Variants in BRIP1 observed in about 807,000 individuals in gnomAD.
The protein encoded by BRIP1 is Fanconi anemia group J protein.
Under a neutral mutation model 119.7 loss-of-function variants are expected in BRIP1, and 88 were observed. The observed-to-expected ratio is 0.74, with a 90% CI of 0.62 to 0.88. BRIP1 has a LOEUF of 0.88. Ranked by LOEUF, BRIP1 falls within the 40% of genes least tolerant of loss-of-function variation. The pLI, the probability that BRIP1 is intolerant of heterozygous loss-of-function variation, is 0.00. For synonymous variants in BRIP1, 443 were observed against 496.5 expected, an observed-to-expected ratio of 0.89 and a Z score of 1.43; for missense variants, 1,259 against 1,455.4, an observed-to-expected ratio of 0.87 and a Z score of 2.20.
chr17:61,763,328 C>T (rs932528022), intron 14 of BRIP1, among the ~76,000 whole-genome samples: 3 of 151,884 alleles, frequency 2.0e-5, no homozygotes, highest in Non-Finnish European at 4.4e-5. Flanking sequence ...GTGCATGTGT[C>T]GGGTAAAGGG....
rs73991940 is a variant in BRIP1, at chr17:61,682,033, T to C, written c.*1263A>G. 2.7e-3 allele frequency: 554 copies of C among 203,242 alleles called. 4 individuals carry two copies. Among genetic ancestry groups the C allele is most frequent in the African/African-American group, 0.012 (512 of 43,872 alleles). 12.6% of individuals were successfully genotyped at this position (203,242 alleles called of 1,614,324 possible). A position where few individuals can be genotyped will look rare whatever the true frequency, so the allele number is the denominator to read the frequency against. ...TGTATTTTTGGAATGATGTCAGAGA[T>C]GAGCCTCTTTTATAATCATTTTTGA... is the stretch of plus-strand genomic sequence containing the variant. On this transcript the variant is annotated 3_prime_UTR_variant, in exon 20 of 20. Transcript: ENST00000259008. This position sits in a 1 kb window ranked among gnomAD's most constrained non-coding sequence, Gnocchi z 4.9.
At chr17:61,838,713 A>G (rs1483062812) in intron 6 of BRIP1, among the ~76,000 whole-genome samples, 1 of 151,878 alleles carries the variant, frequency 6.6e-6, no homozygotes, top group Non-Finnish European at 1.5e-5. Flanking sequence ...CAAGGTCTAG[A>G]TTAAAATACA....
rs1393187142 is a variant in BRIP1 at position 61,816,978 on chromosome 17, A to C, written c.628-8221T>G. 6.6e-6 allele frequency among the ~76,000 whole-genome samples: 1 copy of C among 152,214 alleles called. No homozygotes were observed. The highest frequency in any genetic ancestry group is 2.4e-5 in the African/African-American group (1 of 41,462). On this transcript the variant is annotated intron_variant, in intron 6 of 19. Coordinates refer to ENST00000259008, the MANE Select transcript of BRIP1 (RefSeq NM_032043.3). The surrounding 1 kb of genome is among the most constrained non-coding windows in gnomAD (Gnocchi z 5.0). Reference sequence around the variant, plus strand: ...TTATTAGGGAACAGAATATTGACAAAGTCTCAAAATATCACCCCACAGATT... The same window carrying C: ...TTATTAGGGAACAGAATATTGACAACGTCTCAAAATATCACCCCACAGATT...
intron 10 of BRIP1, among the ~76,000 whole-genome samples, chr17:61,787,055 T>C (rs1432915980): frequency 8.6e-6 from 1 of 115,944 alleles, no homozygotes; most frequent in Non-Finnish European, 1.6e-5. Context: ...TTTATATAAA[T>C]TTATAAATAT....
chr17:61,747,836 A>G (rs1332443696), intron 14 of BRIP1, among the ~76,000 whole-genome samples: 1 of 152,066 alleles, frequency 6.6e-6, no homozygotes, highest in Non-Finnish European at 1.5e-5. Context: ...CCTGGGCTCA[A>G]GCAATCTTCC....
In BRIP1 at chr17:61,684,142, T is replaced by G; in HGVS notation, c.2906-2A>C. ...CTTCTTCCAGGAATACTGGATCATC[T>G]AAGAATACAAGAATTTAAGAGATTT... is the stretch of plus-strand genomic sequence containing the variant. On this transcript the variant is annotated splice_acceptor_variant, in intron 19 of 19. Transcript: ENST00000259008. LOFTEE classifies it high-confidence loss of function. This position sits in a 1 kb window ranked among gnomAD's most constrained non-coding sequence, Gnocchi z 4.5. 2.5e-6 allele frequency: 4 copies of G among 1,612,918 alleles called. No homozygotes were observed. The highest frequency in any genetic ancestry group is 3.4e-6 in the Non-Finnish European group (4 of 1,179,498).
In BRIP1 at chr17:61,815,089, T is replaced by C. The variant is rs1266824359; in HGVS notation, c.628-6332A>G. Among the ~76,000 whole-genome samples, 2 of 144,308 alleles carry C rather than the reference T, an allele frequency of 1.4e-5. No individual in the cohort carries two copies. The highest frequency in any genetic ancestry group is 3.0e-5 in the Non-Finnish European group (2 of 66,414). 94.7% of individuals were successfully genotyped at this position (144,308 alleles called of 152,430 possible). A position where few individuals can be genotyped will look rare whatever the true frequency, so the allele number is the denominator to read the frequency against. On this transcript the variant is annotated intron_variant, in intron 6 of 19. Coordinates refer to ENST00000259008, the MANE Select transcript of BRIP1 (RefSeq NM_032043.3). This position sits in a 1 kb window ranked among gnomAD's most constrained non-coding sequence, Gnocchi z 4.1. ...AAGCTAACAATTGTCATGAAAAACA[T>C]ACCTGAAAAATGCTAGAAGTGCTGG...
intron 6 of BRIP1, among the ~76,000 whole-genome samples, chr17:61,819,352 A>G (rs1301104425): frequency 6.6e-6 from 1 of 152,218 alleles, no homozygotes; most frequent in Admixed American, 6.5e-5. Flanking sequence ...TTGAATTACC[A>G]TATGATCCAG....
At chr17:61,764,155 C>A (rs187244356) in intron 14 of BRIP1, among the ~76,000 whole-genome samples, 1 of 152,174 alleles carries the variant, frequency 6.6e-6, no homozygotes, top group Non-Finnish European at 1.5e-5. Flanking sequence ...TTGCGCTGGC[C>A]TTACTCTAAT....
Position 61,822,306 on chromosome 17 carries a change from AT to A in BRIP1, c.628-13550del, listed in dbSNP as rs2078338182. Among the ~76,000 whole-genome samples, 1 of 152,198 alleles carries A rather than the reference AT, an allele frequency of 6.6e-6. No individual in the cohort carries two copies. The highest frequency in any genetic ancestry group is 1.5e-5 in the Non-Finnish European group (1 of 68,034). On this transcript the variant is annotated intron_variant, in intron 6 of 19. Coordinates refer to ENST00000259008, the MANE Select transcript of BRIP1 (RefSeq NM_032043.3). This position sits in a 1 kb window ranked among gnomAD's most constrained non-coding sequence, Gnocchi z 4.4. Reference sequence around the variant, plus strand: ...ATATCACTTTTATAAAAACAATTACATTTTTTAAAAACATACACAGAAAAGA... The same window carrying A: ...ATATCACTTTTATAAAAACAATTACATTTTTAAAAACATACACAGAAAAGA...
At chr17:61,715,337 A>C (rs561159311) in intron 17 of BRIP1, among the ~76,000 whole-genome samples, 1 of 152,164 alleles carries the variant, frequency 6.6e-6, no homozygotes, top group Admixed American at 6.5e-5. Context: ...TCACATTGTT[A>C]TCTAAAGCTT....
Position 61,745,618 on chromosome 17 carries a change from C to T in BRIP1, c.2098-1027G>A, listed in dbSNP as rs2077048304. Among the ~76,000 whole-genome samples, 1 of 152,200 alleles carries T rather than the reference C, an allele frequency of 6.6e-6. No individual in the cohort carries two copies. The highest frequency in any genetic ancestry group is 6.5e-5 in the Admixed American group (1 of 15,284). ...TTCTGGTCTCAAGGGATCCTCCAGA[C>T]TCAGCCTTCCACAGTGCTGAAATTA... On this transcript the variant is annotated intron_variant, in intron 14 of 19. Transcript: ENST00000259008. This position sits in a 1 kb window ranked among gnomAD's most constrained non-coding sequence, Gnocchi z 4.4.
At chr17:61,697,892 G>A (rs562463229) in intron 17 of BRIP1, among the ~76,000 whole-genome samples, 32 of 151,798 alleles carry the variant, frequency 2.1e-4, no homozygotes, top group East Asian at 1.9e-3. Context: ...TGAAACCTCC[G>A]CCCCCTGGGC....
intron 11 of BRIP1, among the ~76,000 whole-genome samples, 196 bp from the exon 12 acceptor site, chr17:61,781,201 C>T (rs541446370): frequency 6.6e-6 from 1 of 152,306 alleles, no homozygotes; most frequent in African/African-American, 2.4e-5. Context: ...ATAGAATCAA[C>T]TGATTCTCAG....
chr17:61,811,084 A>C (rs1252956549), intron 6 of BRIP1, among the ~76,000 whole-genome samples: 1 of 152,220 alleles, frequency 6.6e-6, no homozygotes, highest in Non-Finnish European at 1.5e-5. Context: ...TCCATAATTC[A>C]GAATATTATA....
intron 17 of BRIP1, among the ~76,000 whole-genome samples, chr17:61,702,110 C>T (rs2061623351): frequency 6.6e-6 from 1 of 152,112 alleles, no homozygotes; most frequent in African/African-American, 2.4e-5. Context: ...TTGCTTCTAA[C>T]TTATTTTTGC....
chr17:61,736,042 C>T lies in BRIP1; in HGVS notation c.2379+6971G>A, dbSNP rs1193972588. Among the ~76,000 whole-genome samples the T allele has an allele frequency of 6.6e-6, 1 of 151,632 alleles. No individual in the cohort carries two copies. The highest frequency in any genetic ancestry group is 2.4e-5 in the African/African-American group (1 of 41,264). ...GTTACACAGCAATAAAAAACTAATA[C>T]AGGCTGGGCATGATGGCTCACACCT... is the stretch of plus-strand genomic sequence containing the variant. On this transcript the variant is annotated intron_variant, in intron 16 of 19. Transcript: ENST00000259008. The surrounding 1 kb of genome is among the most constrained non-coding windows in gnomAD (Gnocchi z 4.4).
intron 16 of BRIP1, among the ~76,000 whole-genome samples, chr17:61,723,431 TG>T (rs1567762712): frequency 6.6e-6 from 1 of 152,230 alleles, no homozygotes; most frequent in Non-Finnish European, 1.5e-5. Context: ...ATCTTGTAAC[TG>T]TCAAAGAGAT....
Position 61,824,459 on chromosome 17 carries a change from C to T in BRIP1, c.628-15702G>A, listed in dbSNP as rs1057095115. ...AAACAGCATGGTACTGGCATAAAAACAGAAATATAGACCAATGGAACAGAA... is the reference window on the plus strand; with the variant it reads ...AAACAGCATGGTACTGGCATAAAAATAGAAATATAGACCAATGGAACAGAA... On this transcript the variant is annotated intron_variant, in intron 6 of 19. Coordinates refer to ENST00000259008, the MANE Select transcript of BRIP1 (RefSeq NM_032043.3). The surrounding 1 kb of genome is among the most constrained non-coding windows in gnomAD (Gnocchi z 4.3). Among the ~76,000 whole-genome samples the T allele has an allele frequency of 6.6e-6, 1 of 152,132 alleles. No individual in the cohort carries two copies. The highest frequency in any genetic ancestry group is 1.5e-5 in the Non-Finnish European group (1 of 68,004).
Sources: allele counts gnomAD v4.1 joint callset (sites outside exome capture counted in the v4.1 genomes callset), GRCh38; gene constraint gnomAD v4.1.1; non-coding constraint Gnocchi (gnomAD v3.1); transcripts MANE v1.5; gene names NCBI Gene and HGNC (gene_info 2026-07-23, HGNC 2026-07-21).